RASA3: variants seen among roughly 807,000 people sequenced by gnomAD.
RASA3 encodes ras GTPase-activating protein 3.
A neutral mutation model predicts 110.0 loss-of-function variants in RASA3; 73 were observed. The observed-to-expected ratio is 0.66, with a 90% CI of 0.55 to 0.81. RASA3 has a LOEUF of 0.81. Ranked by LOEUF, RASA3 falls within the 30% of genes least tolerant of loss-of-function variation. RASA3 has a pLI of 0.00. For missense variants in RASA3, 976 were observed against 1,113.2 expected (o/e 0.88, Z 1.75); for synonymous variants, 500 against 451.4 (o/e 1.11, Z -1.37).
At chr13:114,041,628 A>C (rs2054409408) in intron 3 of RASA3, among the ~76,000 whole-genome samples, 1 of 152,188 alleles carries the variant, frequency 6.6e-6, no homozygotes, top group Non-Finnish European at 1.5e-5. Flanking sequence ...GCCACAAGAG[A>C]CACGTGTGCA....
chr13:114,077,537 C>T (rs1389477169), intron 1 of RASA3, among the ~76,000 whole-genome samples: 1 of 147,346 alleles, frequency 6.8e-6, no homozygotes, highest in Admixed American at 6.8e-5. Context: ...TCATCCCTCC[C>T]TCCCTGCCCG....
At chr13:113,979,444 G>T in intron 23 of RASA3, 22 bp from the exon 24 acceptor site, 2 of 1,556,438 alleles carry the variant, frequency 1.3e-6, no homozygotes, top group Non-Finnish European at 1.8e-6. Context: ...GATGGGAGAG[G>T]GAATGAGGCA....
intron 1 of RASA3, among the ~76,000 whole-genome samples, chr13:114,105,264 C>T (rs2080118394): frequency 6.6e-6 from 1 of 152,102 alleles, no homozygotes; most frequent in Admixed American, 6.5e-5. Flanking sequence ...AGCCTCATCC[C>T]CAGCAGCCGC....
rs1167679042 is a variant in RASA3, at chr13:114,057,011, C to T, written c.174-4856G>A. Among the ~76,000 whole-genome samples, 3 of 152,098 alleles carry T rather than the reference C, an allele frequency of 2.0e-5. No individual in the cohort carries two copies. The highest frequency in any genetic ancestry group is 6.5e-5 in the Admixed American group (1 of 15,270). On this transcript the variant is annotated intron_variant, in intron 2 of 23. Coordinates refer to ENST00000334062, the MANE Select transcript of RASA3 (RefSeq NM_007368.4). The surrounding 1 kb of genome is among the most constrained non-coding windows in gnomAD (Gnocchi z 5.0). The stretch of plus-strand genomic sequence containing the variant: ...GAGGAGCTGTTGTCCTTGGGAACCA[C>T]GGGTCCCCCCTCCTGAAGAAGGGGA...
intron 2 of RASA3, among the ~76,000 whole-genome samples, chr13:114,069,473 C>CA (rs2079519018): frequency 7.7e-5 from 4 of 51,780 alleles, no homozygotes; most frequent in Non-Finnish European, 1.1e-4. Context: ...CTGGGAGACT[C>CA]GGGGGCCGGG....
chr13:114,013,321 C>T (rs966728417), intron 14 of RASA3, 73 bp from the exon 15 acceptor site: 2 of 1,104,598 alleles, frequency 1.8e-6, no homozygotes, highest in Non-Finnish European at 2.7e-6. Flanking sequence ...TGCCCCGGCC[C>T]CCTGAGGGTC....
chr13:114,052,917 A>G (rs866391106), intron 2 of RASA3, among the ~76,000 whole-genome samples: 246 of 82,178 alleles, frequency 3.0e-3, no homozygotes, highest in African/African-American at 0.012. Context: ...TGGGGGAGAG[A>G]CCCCCGCTGC....
At chr13:114,083,277 A>G (rs1046188179) in intron 1 of RASA3, among the ~76,000 whole-genome samples, 2 of 152,280 alleles carry the variant, frequency 1.3e-5, no homozygotes, top group African/African-American at 4.8e-5. Flanking sequence ...GGGTAGCAAG[A>G]TTAGATGATC....
intron 21 of RASA3, among the ~76,000 whole-genome samples, chr13:113,993,437 A>AT (rs1398772483): frequency 6.6e-6 from 1 of 151,652 alleles, no homozygotes; most frequent in Non-Finnish European, 1.5e-5. Flanking sequence ...CGACCTCCCA[A>AT]AGTGCTAGGA....
chr13:114,071,441 C>G (rs1457907049), intron 2 of RASA3, among the ~76,000 whole-genome samples: 1 of 152,220 alleles, frequency 6.6e-6, no homozygotes, highest in Non-Finnish European at 1.5e-5. Flanking sequence ...GAAAGACTGC[C>G]AGTAATTCTC....
chr13:114,095,503 C>CACCTGGCTTCCTTGATGCAGCCTCATGT (rs1370114666), intron 1 of RASA3, among the ~76,000 whole-genome samples: 1 of 152,222 alleles, frequency 6.6e-6, no homozygotes, highest in Admixed American at 6.5e-5. Context: ...TGGCCTCCTG[C>CACCTGGCTTCCTTGATGCAGCCTCATGT]ACCTGGCTTC....
chr13:114,056,978 C>G lies in RASA3; in HGVS notation c.174-4823G>C, dbSNP rs375872287. Among the ~76,000 whole-genome samples the G allele has an allele frequency of 6.6e-6, 1 of 152,106 alleles. No homozygotes were observed. The highest frequency in any genetic ancestry group is 1.5e-5 in the Non-Finnish European group (1 of 68,024). ...TGGGGCCCTCTGTCAGGCTGCCCCC[C>G]CTGCTAAGAGGAGCTGTTGTCCTTG... On this transcript the variant is annotated intron_variant, in intron 2 of 23. Transcript: ENST00000334062. The surrounding 1 kb of genome is among the most constrained non-coding windows in gnomAD (Gnocchi z 5.7).
intron 1 of RASA3, among the ~76,000 whole-genome samples, chr13:114,075,264 C>T (rs1165078197): frequency 6.6e-6 from 1 of 152,184 alleles, no homozygotes; most frequent in African/African-American, 2.4e-5. Flanking sequence ...TCAGCAAGCG[C>T]ACACGTCATG....
At chr13:114,117,095 ATG>A (rs1318315006) in intron 1 of RASA3, among the ~76,000 whole-genome samples, 1 of 124,986 alleles carries the variant, frequency 8.0e-6, no homozygotes, top group African/African-American at 3.2e-5. Flanking sequence ...TGAGGGATGC[ATG>A]TGTGTGAGGA....
At chr13:114,105,154 G>A (rs1176198478) in intron 1 of RASA3, among the ~76,000 whole-genome samples, 5 of 152,070 alleles carry the variant, frequency 3.3e-5, no homozygotes, top group African/African-American at 1.2e-4. Context: ...GGGCCAAGCC[G>A]TCACCTCAGA....
chr13:113,995,549 T>C (rs1362519515), intron 21 of RASA3, among the ~76,000 whole-genome samples: 3 of 152,028 alleles, frequency 2.0e-5, no homozygotes, highest in African/African-American at 7.3e-5. Context: ...GCCTCCTCCT[T>C]AGGACCGGCA....
At chr13:114,042,893 C>T (rs2054443753) in intron 3 of RASA3, among the ~76,000 whole-genome samples, 1 of 152,244 alleles carries the variant, frequency 6.6e-6, no homozygotes, top group Non-Finnish European at 1.5e-5. Context: ...CCACTCTGCA[C>T]ACCCCACAGA....
Position 114,009,438 on chromosome 13 carries a change from A to C in RASA3, c.1617T>G (p.Ala539=), listed in dbSNP as rs1451030661. The C allele has an allele frequency of 6.2e-6, 10 of 1,612,116 alleles. No individual in the cohort carries two copies. The highest frequency in any genetic ancestry group is 8.5e-6 in the Non-Finnish European group (10 of 1,179,376). Residue 539 remains alanine (A), a synonymous_variant, in exon 17 of 24, where the codon GCT becomes GCG. Coordinates refer to ENST00000334062, the MANE Select transcript of RASA3 (RefSeq NM_007368.4). The part of the protein sequence containing the change: ...KSASFKESYM[A]TFYEFFNEQK... ...GCTCATTGAAGAATTCATAAAATGTAGCCATGTAGGACTCCTTAAAACTCG... is the reference window on the plus strand; with the variant it reads ...GCTCATTGAAGAATTCATAAAATGTCGCCATGTAGGACTCCTTAAAACTCG...
chr13:114,001,409 C>T (rs2053394218), intron 18 of RASA3, among the ~76,000 whole-genome samples: 1 of 143,280 alleles, frequency 7.0e-6, no homozygotes, highest in Non-Finnish European at 1.6e-5. Flanking sequence ...GCAGTGGACG[C>T]TCACACACAG....
Sources: gnomAD v4.1 joint callset for allele counts (sites outside exome capture counted in the v4.1 genomes callset) on GRCh38, gnomAD v4.1.1 for gene constraint, Gnocchi (gnomAD v3.1) non-coding constraint, MANE v1.5 for transcripts, NCBI Gene and HGNC (gene_info 2026-07-23, HGNC 2026-07-21) for gene names.